The following LCN8 variants were observed in gnomAD, a reference collection of about 807,000 sequenced individuals.
The protein encoded by LCN8 is lipocalin 8, also known as epididymal-specific lipocalin-8.
A neutral mutation model predicts 22.8 loss-of-function variants in LCN8; 16 were observed. The ratio of observed to expected loss-of-function variants is 0.70; its 90% CI spans 0.47 to 1.06. The LOEUF (loss-of-function observed/expected upper bound fraction) is 1.06. Ranked by LOEUF, LCN8 falls within the 50% of genes least tolerant of loss-of-function variation. The pLI, the probability that LCN8 is intolerant of heterozygous loss-of-function variation, is 0.00. For synonymous variants in LCN8, 92 were observed against 83.4 expected, an observed-to-expected ratio of 1.10 and a Z score of -0.56; for missense variants, 189 against 203.3, an observed-to-expected ratio of 0.93 and a Z score of 0.43.
chr9:136,755,676 G>A (rs1847167773), intron 3 of LCN8, 160 bp from the exon 4 acceptor site: 1 of 1,156,038 alleles, frequency 8.7e-7, no homozygotes, highest in South Asian at 2.1e-5. Flanking sequence ...CAGTGTGTTG[G>A]TGGGAGAATG....
Position 136,756,237 on chromosome 9 carries a change from C to A in LCN8, c.226+285G>T, listed in dbSNP as rs145117710. On this transcript the variant is annotated intron_variant, in intron 3 of 6. Coordinates refer to ENST00000371688, the MANE Select transcript of LCN8 (RefSeq NM_178469.4). ...ATGGGGAACAGTGCAGGGAACAGTG[C>A]AGGGAACGCATGGGGAATGGCGCAG... is the stretch of plus-strand genomic sequence containing the variant. 6.0e-5 allele frequency: 79 copies of A among 1,307,126 alleles called. 1 individual carries two copies. The Middle Eastern group carries it at 7.9e-4, about 13-fold the overall frequency. The allele number at this position is 1,307,126 out of a possible 1,614,324, so 81.0% of individuals were successfully genotyped here. A position where few individuals can be genotyped will look rare whatever the true frequency, so the allele number is the denominator to read the frequency against.
At chr9:136,756,380 T>C (rs564047650) in intron 3 of LCN8, 142 bp downstream of exon 3, 158 of 1,583,760 alleles carry the variant, frequency 1.0e-4, no homozygotes, top group Non-Finnish European at 1.2e-4. Context: ...GGGAACAGCA[T>C]GGGGAACAGT....
At position 136,754,428 on chromosome 9, in the gene LCN8, G is replaced by A; in HGVS notation, c.*70C>T. Reference sequence around the variant, plus strand: ...TCAGAGCAGGTGCAGGTGACCTGGTGGGCAGGGTGCCCAGGAGGGGCAGGG... The same window carrying A: ...TCAGAGCAGGTGCAGGTGACCTGGTAGGCAGGGTGCCCAGGAGGGGCAGGG... On this transcript the variant is annotated 3_prime_UTR_variant, in exon 7 of 7. Transcript: ENST00000371688. 1.2e-5 allele frequency: 19 copies of A among 1,546,574 alleles called. No homozygotes were observed. The highest frequency in any genetic ancestry group is 1.6e-5 in the Non-Finnish European group (18 of 1,146,082).
chr9:136,756,668 CTG>C lies in LCN8; in HGVS notation c.156-78_156-77del, dbSNP rs1847213112. 4 of 1,579,378 alleles carry C rather than the reference CTG, an allele frequency of 2.5e-6. No individual in the cohort carries two copies. In the East Asian group the frequency reaches 6.7e-5, roughly 27 times the overall value. On this transcript the variant is annotated intron_variant, in intron 2 of 6. Transcript: ENST00000371688. ...TGCTGGGCTCCTTCCCGGAGTGGGGCTGTGTCTTTAGGAAGGGCACAGGCAGC... is the reference window on the plus strand; with the variant it reads ...TGCTGGGCTCCTTCCCGGAGTGGGGCTGTCTTTAGGAAGGGCACAGGCAGC...
Position 136,757,173 on chromosome 9 carries a change from A to G in LCN8, c.25-5T>C, listed in dbSNP as rs1384161498. 1.2e-6 allele frequency: 2 copies of G among 1,610,922 alleles called. No homozygotes were observed. Among genetic ancestry groups the G allele is most frequent in the Admixed American group, 1.7e-5 (1 of 59,712 alleles). ...TTCCCTCCAGAATCCTCCAATCTAG[A>G]GAGATACGGAGCCTGGCCAAGAGCT... On this transcript the variant is annotated splice_region_variant and splice_polypyrimidine_tract_variant and intron_variant, in intron 1 of 6. Coordinates refer to ENST00000371688, the MANE Select transcript of LCN8 (RefSeq NM_178469.4).
chr9:136,755,692 G>A, intron 3 of LCN8, 176 bp from the exon 4 acceptor site: 2 of 1,081,758 alleles, frequency 1.8e-6, no homozygotes, highest in Non-Finnish European at 2.3e-6. Context: ...GAATGGGAAG[G>A]TCTGGGGCAT....
At chr9:136,758,261 G>T, upstream of LCN8, 1 of 1,241,242 alleles carries the variant, frequency 8.1e-7, no homozygotes, top group Non-Finnish European at 1.0e-6. Flanking sequence ...CCGTCTCGGA[G>T]CCTGAGAGGA....
rs769598571 is a variant in LCN8 at position 136,756,380 on chromosome 9, T to TGGGGAACAGTGC, written c.226+130_226+141dup. On this transcript the variant is annotated intron_variant, in intron 3 of 6. Coordinates refer to ENST00000371688, the MANE Select transcript of LCN8 (RefSeq NM_178469.4). ...ACAGGGAATAGTTCAGGGAACAGCATGGGGAACAGTGCAGGGAACAGCACA... is the reference window on the plus strand; with the variant it reads ...ACAGGGAATAGTTCAGGGAACAGCATGGGGAACAGTGCGGGGAACAGTGCAGGGAACAGCACA... 4.5e-4 allele frequency: 706 copies of TGGGGAACAGTGC among 1,583,860 alleles called. 8 individuals are homozygous for TGGGGAACAGTGC. The East Asian group carries it at 0.015, about 33-fold the overall frequency.
In LCN8 at chr9:136,755,149, C is replaced by G; in HGVS notation, c.433G>C (p.Glu145Gln). The change falls in exon 6 of 7, where the codon GAG becomes CAG. Residue 145 changes from glutamate to glutamine, a missense_variant. Transcript: ENST00000371688. Reference protein sequence around the residue: ...YLAARPGRCAELLKEELI With the variant: ...YLAARPGRCAQLLKEELI ...GTCAGGCTCACCTCCTTCAGGAGCTCGGCACACCGCCCTGCAGGATAGGCC... is the reference window on the plus strand; with the variant it reads ...GTCAGGCTCACCTCCTTCAGGAGCTGGGCACACCGCCCTGCAGGATAGGCC... The G allele has an allele frequency of 6.3e-7, 1 of 1,588,644 alleles. No homozygotes were observed. The highest frequency in any genetic ancestry group is 1.3e-5 in the African/African-American group (1 of 74,504).
intron 6 of LCN8, 101 bp from the exon 7 acceptor site, chr9:136,754,610 G>A (rs1239938793): frequency 1.3e-6 from 2 of 1,488,102 alleles, no homozygotes; most frequent in East Asian, 2.5e-5. Flanking sequence ...CTCGCTGCCT[G>A]GTTTTGCGCA....
intron 6 of LCN8, 141 bp from the exon 7 acceptor site, chr9:136,754,650 A>G: frequency 7.0e-7 from 1 of 1,437,406 alleles, no homozygotes. Flanking sequence ...CGCCTTCTCA[A>G]TCTGCAAAAT....
rs1261755212 is a variant in LCN8, at chr9:136,756,952, C to A, written c.155+86G>T. On this transcript the variant is annotated intron_variant, in intron 2 of 6. Coordinates refer to ENST00000371688, the MANE Select transcript of LCN8 (RefSeq NM_178469.4). ...CCAGCGGGACGGCACTCAGCCCAGA[C>A]CCCACGCTGCAGCGGGTGCAGCAAC... The A allele has an allele frequency of 8.8e-6, 13 of 1,481,274 alleles. No individual in the cohort carries two copies. The Admixed American group carries it at 2.5e-4, about 28-fold the overall frequency. The allele number at this position is 1,481,274 out of a possible 1,614,324, so 91.8% of individuals were successfully genotyped here.
intron 1 of LCN8, 31 bp from the exon 2 acceptor site, chr9:136,757,199 G>A (rs989966504): frequency 2.0e-5 from 32 of 1,603,714 alleles, no homozygotes; most frequent in Non-Finnish European, 2.6e-5. Context: ...GCCAAGAGCT[G>A]AGCAGTGGGT....
rs367544525 is a variant in LCN8 at position 136,757,947 on chromosome 9, G to A, written c.-17C>T. On this transcript the variant is annotated 5_prime_UTR_variant, in exon 1 of 7. Transcript: ENST00000371688. ...CTCCTCCATGGCTGCTGCCACCTGC[G>A]CCCGGAGCACCACGAGGACACCCAG... 3.6e-5 allele frequency: 58 copies of A among 1,613,030 alleles called. No homozygotes were observed. Among genetic ancestry groups the A allele is most frequent in the African/African-American group, 5.3e-5 (4 of 75,012 alleles).
rs767965870 is a variant in LCN8, at chr9:136,755,245, A to C, written c.420T>G (p.Pro140=). ...CCACCCCAAGGCCCCTGGGCTCACC[A>C]GGCCGGGCCGCCAGGTAGAGACCAG... is the stretch of plus-strand genomic sequence containing the variant. ...ADTGLYLAAR[P]GRCAELLKEE... is the part of the protein sequence containing the mutation. Residue 140 remains proline, a splice_region_variant and synonymous_variant, in exon 5 of 7, where the codon CCT becomes CCG. Transcript: ENST00000371688. 1 of 1,612,642 alleles carries C rather than the reference A, an allele frequency of 6.2e-7. No homozygotes were observed. Among genetic ancestry groups the C allele is most frequent in the Non-Finnish European group, 8.5e-7 (1 of 1,179,892 alleles).
chr9:136,757,744 C>A (rs1323539301), intron 1 of LCN8, 163 bp downstream of exon 1: 2 of 985,472 alleles, frequency 2.0e-6, no homozygotes, highest in Non-Finnish European at 2.4e-6. Context: ...TCTGGCCCAG[C>A]AGCCGGCACA....
At chr9:136,757,552 G>T (rs542212660) in intron 1 of LCN8, 8 of 1,376,206 alleles carry the variant, frequency 5.8e-6, no homozygotes, top group Non-Finnish European at 7.5e-6. Context: ...AAACGCCAGA[G>T]AACAGGTGGC....
intron 2 of LCN8, 21 bp from the exon 3 acceptor site, chr9:136,756,613 C>A (rs775369120): frequency 1.2e-6 from 2 of 1,611,882 alleles, no homozygotes; most frequent in Admixed American, 3.3e-5. Flanking sequence ...GCAAAGTGCC[C>A]ATCGGTAAAA....
chr9:136,757,044 T>C lies in LCN8; in HGVS notation c.149A>G (p.Tyr50Cys). ...SGSNLTVKVA[Y>C]NSSGSCEIEK... ...CAGCCCCCAGGCCTCTTACCTGTTA[T>C]ATGCAACCTTCACGGTCAGGTTACT... The change falls in exon 2 of 7, where the codon TAT becomes TGT. Residue 50 changes from tyrosine to cysteine, a missense_variant. Coordinates refer to ENST00000371688, the MANE Select transcript of LCN8 (RefSeq NM_178469.4). 6.2e-7 allele frequency: 1 copy of C among 1,613,252 alleles called. No individual in the cohort carries two copies. The highest frequency in any genetic ancestry group is 8.5e-7 in the Non-Finnish European group (1 of 1,179,754).
Sources: gnomAD v4.1 joint callset for allele counts on GRCh38, gnomAD v4.1.1 for gene constraint, MANE v1.5 for transcripts, NCBI Gene and HGNC (gene_info 2026-07-23, HGNC 2026-07-21) for gene names.